Variants in EIF2D observed in about 807,000 individuals in gnomAD.
EIF2D encodes the protein hepatocellular carcinoma-associated antigen 56.
A neutral mutation model predicts 77.4 loss-of-function variants in EIF2D; 56 were observed. The observed-to-expected ratio is 0.72, with a 90% confidence interval of 0.58 to 0.90. The LOEUF is 0.90. Among genes scored for constraint, EIF2D ranks in the 40% least tolerant of loss-of-function variants. EIF2D has a pLI of 0.00. For synonymous variants in EIF2D, 230 were observed against 271.0 expected, an observed-to-expected ratio of 0.85 and a Z score of 1.49; for missense variants, 574 against 706.5, an observed-to-expected ratio of 0.81 and a Z score of 2.13.
chr1:206,605,530 C>A, intron 4 of EIF2D, 23 bp from the exon 5 acceptor site: 1 of 1,600,096 alleles, frequency 6.2e-7, no homozygotes, highest in Non-Finnish European at 8.6e-7. Flanking sequence ...AAGCCAGAGA[C>A]CAGGGTCATG....
intron 4 of EIF2D, among the ~76,000 whole-genome samples, chr1:206,574,043 T>G (rs1553404696): frequency 6.6e-6 from 1 of 152,262 alleles, no homozygotes; most frequent in Non-Finnish European, 1.5e-5. Flanking sequence ...GGGCAGTGCC[T>G]GACTACTGTC....
chr1:206,579,399 C>T lies in EIF2D; in HGVS notation c.*254+1293G>A, dbSNP rs528488513. On this transcript the variant is annotated intron_variant and NMD_transcript_variant, in intron 4 of 5. Coordinates refer to the EIF2D transcript ENST00000472709. This position sits in a 1 kb window ranked among gnomAD's most constrained non-coding sequence, Gnocchi z 4.2. ...TGTCTGCTTGGTTTCTCGCTTTGTA[C>T]CCGTGGACAGATCCTTAAGAATCTG... Among the ~76,000 whole-genome samples the T allele has an allele frequency of 2.0e-5, 3 of 152,310 alleles. No individual in the cohort carries two copies. The highest frequency in any genetic ancestry group is 2.1e-4 in the South Asian group (1 of 4,832).
intron 5 of EIF2D, among the ~76,000 whole-genome samples, chr1:206,571,684 G>T (rs1219685473): frequency 6.6e-6 from 1 of 152,222 alleles, no homozygotes; most frequent in East Asian, 1.9e-4. Flanking sequence ...AAAAGACACT[G>T]TCAGTTCCAG....
Position 206,591,765 on chromosome 1 carries a change from A to C in EIF2D, c.*10T>G. On this transcript the variant is annotated 3_prime_UTR_variant, in exon 15 of 15. Transcript: ENST00000271764. ...TCCACCGGATCCACCACGTGAGACA[A>C]AAGAGTCTGTCACTTCTTCTTGCCA... 6.2e-7 allele frequency: 1 copy of C among 1,613,972 alleles called. No homozygotes were observed. Among genetic ancestry groups the C allele is most frequent in the Non-Finnish European group, 8.5e-7 (1 of 1,179,800 alleles).
In EIF2D at chr1:206,585,013, A is replaced by C. The variant is rs1669052834; in HGVS notation, c.139-3851T>G. 1.7e-5 allele frequency: 11 copies of C among 642,056 alleles called. No homozygotes were observed. In the East Asian group the frequency reaches 2.9e-4, roughly 17 times the overall value. The allele number at this position is 642,056 out of a possible 1,614,324, so 39.8% of individuals were successfully genotyped here. A position where few individuals can be genotyped will look rare whatever the true frequency, so the allele number is the denominator to read the frequency against. On this transcript the variant is annotated intron_variant and NMD_transcript_variant, in intron 2 of 5. Transcript: ENST00000472709. Reference sequence around the variant, plus strand: ...TAAACTCTGAGCAGACACCCAAGATAAAAGGTTATTGCCCTGTTCATTACT... The same window carrying C: ...TAAACTCTGAGCAGACACCCAAGATCAAAGGTTATTGCCCTGTTCATTACT...
Position 206,611,261 on chromosome 1 carries a change from T to C in EIF2D, c.170A>G (p.Lys57Arg). The change falls in exon 2 of 15, where the codon AAA becomes AGA. Residue 57 changes from lysine to arginine, a missense_variant. Lys to Arg is a conservative substitution (Grantham distance 26, BLOSUM62 2). Coordinates refer to ENST00000271764, the MANE Select transcript of EIF2D (RefSeq NM_006893.3). ...CACGTACACAGTCACTGCATCCCCT[T>C]TGTGAGCATACAACTTCACAATGTT... is the stretch of plus-strand genomic sequence containing the variant. ...ELNIVKLYAH[K>R]GDAVTVYVSG... 6.2e-7 allele frequency: 1 copy of C among 1,614,220 alleles called. No homozygotes were observed. The highest frequency in any genetic ancestry group is 8.5e-7 in the Non-Finnish European group (1 of 1,180,026).
chr1:206,594,504 A>G (rs1669538348), intron 13 of EIF2D: 1 of 152,230 alleles, frequency 6.6e-6, no homozygotes, highest in Non-Finnish European at 1.5e-5. Flanking sequence ...ATGACTACAG[A>G]TAGTAAAGTG....
intron 11 of EIF2D, among the ~76,000 whole-genome samples, chr1:206,598,794 G>A (rs146373871): frequency 6.6e-6 from 1 of 151,986 alleles, no homozygotes; most frequent in Non-Finnish European, 1.5e-5. Context: ...TTACTTAGTC[G>A]GTAGTCAATG....
At chr1:206,576,951 A>C (rs1476335501) in intron 4 of EIF2D, among the ~76,000 whole-genome samples, 3 of 150,290 alleles carry the variant, frequency 2.0e-5, no homozygotes, top group East Asian at 3.9e-4. Context: ...CTACAGGTGC[A>C]CTTCACTGTG....
intron 2 of EIF2D, chr1:206,586,354 T>G (rs1572377021): frequency 6.4e-6 from 1 of 156,892 alleles, no homozygotes. Context: ...TCATGGGAGG[T>G]AGATACCCCA....
chr1:206,577,948 C>T (rs1053026185), intron 4 of EIF2D, among the ~76,000 whole-genome samples: 3 of 152,076 alleles, frequency 2.0e-5, no homozygotes, highest in African/African-American at 7.2e-5. Flanking sequence ...AGCAGCCAGG[C>T]GCGGTGGGTC....
At chr1:206,608,542 T>A (rs1346836988) in intron 3 of EIF2D, among the ~76,000 whole-genome samples, 1 of 152,252 alleles carries the variant, frequency 6.6e-6, no homozygotes, top group Non-Finnish European at 1.5e-5. Context: ...GCAACTTCAG[T>A]ATCAGACCTT....
At chr1:206,586,763 G>A (rs1423719417), downstream of EIF2D, 23 of 1,304,148 alleles carry the variant, frequency 1.8e-5, no homozygotes, top group South Asian at 6.4e-5. Flanking sequence ...CTCTCAGGTC[G>A]TGTCAACTTC....
chr1:206,586,784 CCTATT>C, downstream of EIF2D: 1 of 1,525,736 alleles, frequency 6.6e-7, no homozygotes, highest in Non-Finnish European at 9.0e-7. Context: ...TAACCTGTCT[CCTATT>C]CTGTTTCTTC....
In EIF2D at chr1:206,593,776, G is replaced by C; in HGVS notation, c.1527C>G (p.Asn509Lys). The change falls in exon 14 of 15, where the codon AAC becomes AAG. Residue 509 changes from asparagine (N) to lysine (K), a missense_variant. Asn to Lys is a moderately conservative substitution (Grantham distance 94). Transcript: ENST00000271764. ...ASNKKVTVVR[N>K]LEAYGLDPYS... ...ATGGGTCCAGACCATAGGCCTCCAA[G>C]TTCCGGACCACGGTCACCTGGGGGG... is the stretch of plus-strand genomic sequence containing the variant. 1 of 1,601,568 alleles carries C rather than the reference G, an allele frequency of 6.2e-7. No individual in the cohort carries two copies. The highest frequency in any genetic ancestry group is 8.5e-7 in the Non-Finnish European group (1 of 1,170,758).
Position 206,599,659 on chromosome 1 carries a change from C to A in EIF2D, c.1053-47G>T, listed in dbSNP as rs782364984. 6.2e-7 allele frequency: 1 copy of A among 1,609,176 alleles called. No homozygotes were observed. The highest frequency in any genetic ancestry group is 1.1e-5 in the South Asian group (1 of 90,690). On this transcript the variant is annotated intron_variant, in intron 9 of 14. Coordinates refer to ENST00000271764, the MANE Select transcript of EIF2D (RefSeq NM_006893.3). This position sits in a 1 kb window ranked among gnomAD's most constrained non-coding sequence, Gnocchi z 4.1. Reference sequence around the variant, plus strand: ...GAAAAAACACATTTTATACTAGCATCTCAGCAATCCCCAGTCCGTGGCCCA... The same window carrying A: ...GAAAAAACACATTTTATACTAGCATATCAGCAATCCCCAGTCCGTGGCCCA...
At chr1:206,602,793 G>T in intron 6 of EIF2D, 158 bp downstream of exon 6, 1 of 1,082,162 alleles carries the variant, frequency 9.2e-7, no homozygotes, top group Non-Finnish European at 1.3e-6. Context: ...TCAAAAACAA[G>T]ATGTGAAAGG....
Position 206,605,382 on chromosome 1 carries a change from A to C in EIF2D, c.530+18T>G, listed in dbSNP as rs782039862. 5 of 1,606,482 alleles carry C rather than the reference A, an allele frequency of 3.1e-6. No homozygotes were observed. The African/African-American group carries it at 5.3e-5, about 17-fold the overall frequency. On this transcript the variant is annotated intron_variant, in intron 5 of 14. Coordinates refer to ENST00000271764, the MANE Select transcript of EIF2D (RefSeq NM_006893.3). ...GCTGCCCCGGTTCTCTGTAAAACAGAAGAAACTCTGTACCCACCACAAGTG... is the reference window on the plus strand; with the variant it reads ...GCTGCCCCGGTTCTCTGTAAAACAGCAGAAACTCTGTACCCACCACAAGTG...
intron 5 of EIF2D, 45 bp downstream of exon 5, chr1:206,605,355 C>T (rs1558539278): frequency 2.6e-6 from 4 of 1,532,108 alleles, no homozygotes; most frequent in South Asian, 1.1e-5. Flanking sequence ...ATCCTCTCCC[C>T]AGCTGCCCCG....
Sources: allele counts gnomAD v4.1 joint callset (sites outside exome capture counted in the v4.1 genomes callset), GRCh38; gene constraint gnomAD v4.1.1; non-coding constraint Gnocchi (gnomAD v3.1); transcripts MANE v1.5; gene names NCBI Gene and HGNC (gene_info 2026-07-23, HGNC 2026-07-21).